TAF15: variants seen among roughly 807,000 people sequenced by gnomAD.
TAF15 encodes TATA-box binding protein associated factor 15.
In TAF15, 37 loss-of-function variants were observed where a neutral mutation model predicts 102.5. The ratio of observed to expected loss-of-function variants is 0.36; its 90% CI spans 0.28 to 0.47. The LOEUF (loss-of-function observed/expected upper bound fraction) is 0.47. Ranked by LOEUF, TAF15 falls within the 20% of genes least tolerant of loss-of-function variation. The probability of loss-of-function intolerance (pLI) is 0.99; values close to 1 mark genes in which losing one functional copy is unlikely to be tolerated. For synonymous variants in TAF15, 273 were observed against 259.2 expected, an observed-to-expected ratio of 1.05 and a Z score of -0.51; for missense variants, 652 against 760.7, an observed-to-expected ratio of 0.86 and a Z score of 1.68.
chr17:35,838,910 A>T (rs1408141177), intron 11 of TAF15, among the ~76,000 whole-genome samples: 1 of 152,104 alleles, frequency 6.6e-6, no homozygotes, highest in Non-Finnish European at 1.5e-5. Context: ...GTTTTCCTGT[A>T]TCTATCACTT....
At chr17:35,836,383 G>A (rs3760327) in intron 10 of TAF15, 142 bp downstream of exon 10, 11 of 639,042 alleles carry the variant, frequency 1.7e-5, no homozygotes, top group Admixed American at 5.5e-5. Context: ...GTCTGTAGAC[G>A]TTTGCTAAAT....
At chr17:35,825,330 T>C (rs2087312195) in intron 7 of TAF15, among the ~76,000 whole-genome samples, 1 of 152,182 alleles carries the variant, frequency 6.6e-6, no homozygotes, top group Admixed American at 6.5e-5. Context: ...GTAAAACAAA[T>C]AAATTCTATG....
intron 15 of TAF15, 122 bp downstream of exon 15, chr17:35,845,160 AG>A: frequency 7.9e-7 from 1 of 1,268,550 alleles, no homozygotes; most frequent in Non-Finnish European, 1.1e-6. Flanking sequence ...CTCAGGATGG[AG>A]AAGATGATTT....
At chr17:35,838,231 T>C (rs1195258272) in intron 10 of TAF15, among the ~76,000 whole-genome samples, 193 bp from the exon 11 acceptor site, 4 of 152,216 alleles carry the variant, frequency 2.6e-5, no homozygotes, top group African/African-American at 9.6e-5. Flanking sequence ...ATCATTTTTA[T>C]AGCTTGGTTT....
intron 6 of TAF15, 91 bp from the exon 7 acceptor site, chr17:35,823,987 A>G: frequency 1.3e-6 from 2 of 1,515,464 alleles, no homozygotes; most frequent in Non-Finnish European, 1.8e-6. Flanking sequence ...TTCTATAAGG[A>G]TATGTGTGGC....
chr17:35,819,070 C>T (rs1435646937), intron 2 of TAF15, among the ~76,000 whole-genome samples: 1 of 151,930 alleles, frequency 6.6e-6, no homozygotes. Context: ...TGTTTTACAG[C>T]TCAGTGTAAG....
intron 6 of TAF15, 95 bp downstream of exon 6, chr17:35,822,928 T>A (rs1340301213): frequency 2.0e-6 from 3 of 1,477,198 alleles, no homozygotes; most frequent in East Asian, 4.7e-5. Context: ...TTCACCTGTT[T>A]GTAAAAATTT....
At chr17:35,841,629 C>T (rs866876953) in intron 11 of TAF15, among the ~76,000 whole-genome samples, 4 of 151,914 alleles carry the variant, frequency 2.6e-5, no homozygotes, top group Admixed American at 1.3e-4. Context: ...GTCCCAAACT[C>T]CTGAGCCCCA....
chr17:35,833,854 C>G, intron 7 of TAF15, 53 bp from the exon 8 acceptor site: 1 of 1,596,916 alleles, frequency 6.3e-7, no homozygotes, highest in Non-Finnish European at 8.6e-7. Flanking sequence ...GCCCAGGGCT[C>G]AGCACATTAG....
At chr17:35,828,646 G>A (rs755543079) in intron 7 of TAF15, among the ~76,000 whole-genome samples, 3 of 152,036 alleles carry the variant, frequency 2.0e-5, no homozygotes, top group Middle Eastern at 3.2e-3. Flanking sequence ...TAGGAGGATT[G>A]CTTGAGCCCA....
chr17:35,846,860 C>G (rs751216294), intron 15 of TAF15, 46 bp from the exon 16 acceptor site: 1 of 1,608,522 alleles, frequency 6.2e-7, no homozygotes, highest in Admixed American at 1.7e-5. Flanking sequence ...GCTCCCCCTT[C>G]GTAGAAAATT....
Position 35,810,664 on chromosome 17 carries a change from T to TA in TAF15, c.7+1089dup, listed in dbSNP as rs1319936835. On this transcript the variant is annotated intron_variant, in intron 1 of 15. Coordinates refer to ENST00000605844, the MANE Select transcript of TAF15 (RefSeq NM_139215.3). Reference sequence around the variant, plus strand: ...AGGTGAAACAGGCATTTTGCAGTCTTATATTTTGAGTAAGGCCAAACCTGC... The same window carrying TA: ...AGGTGAAACAGGCATTTTGCAGTCTTAATATTTTGAGTAAGGCCAAACCTGC... The TA allele has an allele frequency of 5.3e-5, 8 of 152,288 alleles. No homozygotes were observed. In the South Asian group the frequency reaches 1.2e-3, roughly 24 times the overall value. 9.4% of individuals were successfully genotyped at this position (152,288 alleles called of 1,614,324 possible). A position where few individuals can be genotyped will look rare whatever the true frequency, so the allele number is the denominator to read the frequency against.
chr17:35,834,931 A>G (rs1317121721), intron 9 of TAF15, among the ~76,000 whole-genome samples: 1 of 151,776 alleles, frequency 6.6e-6, no homozygotes, highest in Non-Finnish European at 1.5e-5. Context: ...TTTTTAGTAG[A>G]GGCAGGGTTT....
At chr17:35,809,812 C>G (rs1022218704) in intron 1 of TAF15, 2 of 612,808 alleles carry the variant, frequency 3.3e-6, no homozygotes, top group African/African-American at 3.7e-5. Context: ...TGACCCTGTC[C>G]TTGGAACCCG....
intron 14 of TAF15, 49 bp from the exon 15 acceptor site, chr17:35,844,428 G>C (rs775360321): frequency 6.2e-7 from 1 of 1,612,584 alleles, no homozygotes; most frequent in Non-Finnish European, 8.5e-7. Flanking sequence ...CATTAAGGGG[G>C]CTTTACGTTG....
intron 2 of TAF15, among the ~76,000 whole-genome samples, chr17:35,818,053 CTG>C (rs569313719): frequency 1.3e-5 from 2 of 151,992 alleles, no homozygotes; most frequent in South Asian, 4.2e-4. Flanking sequence ...TCCCAAGTAA[CTG>C]TAATCTCCAC....
chr17:35,839,262 CAG>C (rs1440736451), intron 11 of TAF15, among the ~76,000 whole-genome samples: 1 of 137,018 alleles, frequency 7.3e-6, no homozygotes. Context: ...GCCTGGGCAA[CAG>C]AGCGAGAACC....
intron 6 of TAF15, among the ~76,000 whole-genome samples, chr17:35,823,040 T>C (rs2087282554): frequency 6.6e-6 from 1 of 152,232 alleles, no homozygotes; most frequent in Non-Finnish European, 1.5e-5. Flanking sequence ...TGACTTTTGA[T>C]GGCTGATTAC....
intron 7 of TAF15, 111 bp downstream of exon 7, chr17:35,824,309 A>G: frequency 7.1e-7 from 1 of 1,399,786 alleles, no homozygotes; most frequent in Admixed American, 2.3e-5. Context: ...AAGAGACTTT[A>G]AAAAGGGATT....
Sources: gnomAD v4.1 joint callset for allele counts (sites outside exome capture counted in the v4.1 genomes callset) on GRCh38, gnomAD v4.1.1 for gene constraint, MANE v1.5 for transcripts, NCBI Gene and HGNC (gene_info 2026-07-23, HGNC 2026-07-21) for gene names.